Variants in ROCK1 observed in about 807,000 individuals in gnomAD.
The protein encoded by ROCK1 is Rho associated coiled-coil containing protein kinase 1.
ROCK1 carries 36 observed loss-of-function variants against 196.8 expected under a neutral mutation model. That is an observed-to-expected ratio of 0.18 (90% CI 0.14 to 0.24). The LOEUF is 0.24. ROCK1 is among the 10% of genes least tolerant of loss of function. The pLI, the probability that ROCK1 is intolerant of heterozygous loss-of-function variation, is 1.00. For missense variants in ROCK1, 920 were observed against 1,562.0 expected (o/e 0.59, Z 6.93); for synonymous variants, 443 against 515.9 (o/e 0.86, Z 1.91).
rs2035165256 is a variant in ROCK1 at position 20,949,743 on chromosome 18, T to C, written c.*1641A>G. 6.6e-6 allele frequency: 1 copy of C among 152,602 alleles called. No homozygotes were observed. The highest frequency in any genetic ancestry group is 1.5e-5 in the Non-Finnish European group (1 of 68,046). The allele number at this position is 152,602 out of a possible 1,614,324, so 9.5% of individuals were successfully genotyped here. A position where few individuals can be genotyped will look rare whatever the true frequency, so the allele number is the denominator to read the frequency against. On this transcript the variant is annotated 3_prime_UTR_variant, in exon 33 of 33. Coordinates refer to ENST00000399799, the MANE Select transcript of ROCK1 (RefSeq NM_005406.3). ...TGTTTTAGAGCCCAAGACCACGTTT[T>C]ATCTTTTAAAAATACACTTTAATCT...
intron 1 of ROCK1, among the ~76,000 whole-genome samples, chr18:21,077,978 T>C (rs1282777074): frequency 2.6e-5 from 4 of 152,040 alleles, no homozygotes; most frequent in African/African-American, 7.3e-5. Flanking sequence ...CAAAAACAAT[T>C]TGGAAAAGTC....
intron 16 of ROCK1, among the ~76,000 whole-genome samples, chr18:20,997,923 G>C (rs1278046894): frequency 6.7e-6 from 1 of 150,196 alleles, no homozygotes; most frequent in Admixed American, 6.7e-5. Context: ...TGCAACTTCC[G>C]ACTCCCGGGT....
chr18:21,022,748 G>T (rs1317381844), intron 11 of ROCK1, among the ~76,000 whole-genome samples: 1 of 151,996 alleles, frequency 6.6e-6, no homozygotes, highest in Non-Finnish European at 1.5e-5. Flanking sequence ...TCATACATGG[G>T]TGCTTTAGTA....
chr18:21,105,946 C>T (rs2036699370), intron 1 of ROCK1, among the ~76,000 whole-genome samples: 1 of 152,112 alleles, frequency 6.6e-6, no homozygotes, highest in Admixed American at 6.5e-5. Context: ...GATGGGAAAG[C>T]ACTAGGTCAA....
chr18:20,980,964 AT>A (rs1286386613), intron 21 of ROCK1, among the ~76,000 whole-genome samples: 1 of 151,690 alleles, frequency 6.6e-6, no homozygotes, highest in Non-Finnish European at 1.5e-5. Flanking sequence ...TGTATTATAG[AT>A]TTGGGAAGAC....
chr18:21,076,339 A>G (rs567950789), intron 1 of ROCK1, among the ~76,000 whole-genome samples: 2 of 152,232 alleles, frequency 1.3e-5, no homozygotes, highest in African/African-American at 4.8e-5. Context: ...CCCCGTCTCT[A>G]CTAAAAATAC....
At chr18:20,998,783 T>C (rs1277925796) in intron 16 of ROCK1, among the ~76,000 whole-genome samples, 1 of 151,932 alleles carries the variant, frequency 6.6e-6, no homozygotes, top group Non-Finnish European at 1.5e-5. Context: ...TTTGTATTTT[T>C]AGTACAGATG....
chr18:21,009,372 G>A (rs1444373045), intron 13 of ROCK1, among the ~76,000 whole-genome samples: 3 of 149,544 alleles, frequency 2.0e-5, no homozygotes, highest in Non-Finnish European at 4.4e-5. Flanking sequence ...TCTCTGTATT[G>A]TATGTATCTA....
intron 2 of ROCK1, among the ~76,000 whole-genome samples, chr18:21,059,951 T>C (rs1392234910): frequency 6.6e-6 from 1 of 152,214 alleles, no homozygotes; most frequent in Admixed American, 6.5e-5. Context: ...TATTGATGAT[T>C]CCTTCTATAG....
At chr18:21,008,884 A>C (rs1293393707) in intron 13 of ROCK1, among the ~76,000 whole-genome samples, 1 of 152,200 alleles carries the variant, frequency 6.6e-6, no homozygotes. Context: ...CATTATATAT[A>C]ACAATAGTAC....
intron 1 of ROCK1, among the ~76,000 whole-genome samples, chr18:21,078,734 G>C (rs1327682042): frequency 6.6e-6 from 1 of 152,176 alleles, no homozygotes; most frequent in African/African-American, 2.4e-5. Context: ...ATAACAGCTA[G>C]TGGATGCACC....
intron 1 of ROCK1, among the ~76,000 whole-genome samples, chr18:21,076,247 T>TA (rs1216715439): frequency 6.6e-6 from 1 of 152,022 alleles, no homozygotes; most frequent in Non-Finnish European, 1.5e-5. Flanking sequence ...CTCATGCCTG[T>TA]AATCCCAGCA....
intron 2 of ROCK1, among the ~76,000 whole-genome samples, chr18:21,055,529 T>C (rs191750375): frequency 2.9e-4 from 44 of 152,322 alleles, no homozygotes; most frequent in African/African-American, 8.7e-4. Context: ...TCTTTTCATA[T>C]TTTACTATGG....
At chr18:21,017,186 CTTTTTTT>C (rs774542704) in intron 12 of ROCK1, among the ~76,000 whole-genome samples, 2 of 99,090 alleles carry the variant, frequency 2.0e-5, no homozygotes, top group Admixed American at 1.3e-4. Flanking sequence ...TACCACACTT[CTTTTTTT>C]TTTTTTTTTT....
In ROCK1 at chr18:21,049,767, T is replaced by A. The variant is rs771250676; in HGVS notation, c.276+13A>T. 1 of 1,459,088 alleles carries A rather than the reference T, an allele frequency of 6.9e-7. No individual in the cohort carries two copies. Among genetic ancestry groups the A allele is most frequent in the South Asian group, 1.2e-5 (1 of 84,742 alleles). 90.4% of individuals were successfully genotyped at this position (1,459,088 alleles called of 1,614,324 possible). ...TAATAAAGTCCTTTTGTATTCTCAT[T>A]AAAATAACCTACCAATTGAACTTCT... is the stretch of plus-strand genomic sequence containing the variant. On this transcript the variant is annotated intron_variant, in intron 3 of 32. Coordinates refer to ENST00000399799, the MANE Select transcript of ROCK1 (RefSeq NM_005406.3).
chr18:20,970,019 G>A (rs1388611178), intron 23 of ROCK1: 1 of 171,238 alleles, frequency 5.8e-6, no homozygotes, highest in South Asian at 1.9e-4. Flanking sequence ...AAAATCAGTT[G>A]CAATGTATTA....
intron 13 of ROCK1, among the ~76,000 whole-genome samples, chr18:21,009,698 C>T (rs1295103073): frequency 6.6e-6 from 1 of 152,150 alleles, no homozygotes; most frequent in Non-Finnish European, 1.5e-5. Context: ...CTAGTTTCTC[C>T]ATATCCTTGC....
intron 13 of ROCK1, among the ~76,000 whole-genome samples, chr18:21,012,130 T>A (rs2035824697): frequency 6.6e-6 from 1 of 152,138 alleles, no homozygotes; most frequent in Admixed American, 6.5e-5. Context: ...TTTGTATTTT[T>A]AGTAAAGATG....
chr18:21,074,210 T>C (rs1450134835), intron 1 of ROCK1, among the ~76,000 whole-genome samples: 1 of 152,094 alleles, frequency 6.6e-6, no homozygotes, highest in Non-Finnish European at 1.5e-5. Context: ...AAATAATTCA[T>C]CAAAATTAAG....
Sources: allele counts gnomAD v4.1 joint callset (sites outside exome capture counted in the v4.1 genomes callset), GRCh38; gene constraint gnomAD v4.1.1; transcripts MANE v1.5; gene names NCBI Gene and HGNC (gene_info 2026-07-23, HGNC 2026-07-21).